The following SPIDR variants were observed in gnomAD, a reference collection of about 807,000 sequenced individuals.
SPIDR encodes the protein scaffold protein involved in DNA repair.
A neutral mutation model predicts 104.6 loss-of-function variants in SPIDR; 93 were observed. That is an observed-to-expected ratio of 0.89 (90% CI 0.75 to 1.06). The LOEUF (loss-of-function observed/expected upper bound fraction) is 1.06. SPIDR is among the 50% of genes least tolerant of loss of function. The pLI, the probability that SPIDR is intolerant of heterozygous loss-of-function variation, is 0.00. For missense variants in SPIDR, 1,154 were observed against 1,111.2 expected (o/e 1.04, Z -0.55); for synonymous variants, 431 against 416.9 (o/e 1.03, Z -0.41).
At chr8:47,710,610 A>G (rs746747702) in intron 14 of SPIDR, among the ~76,000 whole-genome samples, 1 of 151,760 alleles carries the variant, frequency 6.6e-6, no homozygotes, top group African/African-American at 2.4e-5. Context: ...CTGGGATTAC[A>G]TCCATGTGCC....
intron 8 of SPIDR, among the ~76,000 whole-genome samples, chr8:47,582,158 G>A (rs192088540): frequency 4.6e-5 from 7 of 151,794 alleles, no homozygotes; most frequent in Admixed American, 4.6e-4. Flanking sequence ...CATAGGTTGC[G>A]GTGAGCCGCC....
At chr8:47,419,565 A>G (rs1443076340) in intron 7 of SPIDR, among the ~76,000 whole-genome samples, 2 of 152,032 alleles carry the variant, frequency 1.3e-5, no homozygotes, top group Non-Finnish European at 2.9e-5. Flanking sequence ...TTTTCAAAAA[A>G]CCAGCTCCTG....
intron 1 of SPIDR, among the ~76,000 whole-genome samples, chr8:47,262,785 A>G (rs779441742): frequency 6.6e-6 from 1 of 152,208 alleles, no homozygotes; most frequent in Non-Finnish European, 1.5e-5. Flanking sequence ...TGGCTTCCAC[A>G]GTATTTCCCA....
chr8:47,672,264 C>G (rs1385405774), intron 10 of SPIDR, among the ~76,000 whole-genome samples: 1 of 152,188 alleles, frequency 6.6e-6, no homozygotes, highest in African/African-American at 2.4e-5. Flanking sequence ...GCCAGCCCCA[C>G]TTGGTATTTG....
chr8:47,522,267 C>A (rs1341286565), intron 8 of SPIDR, among the ~76,000 whole-genome samples: 1 of 152,000 alleles, frequency 6.6e-6, no homozygotes, highest in Non-Finnish European at 1.5e-5. Flanking sequence ...CTCCTGTGCG[C>A]CACTCTTCCC....
At chr8:47,642,415 CAAA>C (rs56227753) in intron 10 of SPIDR, among the ~76,000 whole-genome samples, 8 of 57,958 alleles carry the variant, frequency 1.4e-4, no homozygotes, top group South Asian at 5.4e-4. Flanking sequence ...GACTCCGTCT[CAAA>C]AAAAAAAAAA....
Position 47,381,853 on chromosome 8 carries a change from G to C in SPIDR, c.526-14523G>C, listed in dbSNP as rs183825135. 8.5e-5 allele frequency among the ~76,000 whole-genome samples: 13 copies of C among 152,376 alleles called. No individual in the cohort carries two copies. The East Asian group carries it at 2.5e-3, about 29-fold the overall frequency. ...ACTTTTGTTTTTGCATGAAATATGA[G>C]TCAAGTGAAGTTTTATTTCTTATGA... On this transcript the variant is annotated intron_variant, in intron 5 of 19. Transcript: ENST00000297423.
chr8:47,359,097 A>C (rs1198326083), intron 5 of SPIDR, among the ~76,000 whole-genome samples: 2 of 152,124 alleles, frequency 1.3e-5, no homozygotes, highest in Non-Finnish European at 2.9e-5. Context: ...ATTGTTAAAA[A>C]AAAAAGTTTT....
chr8:47,574,032 T>G (rs569194973), intron 8 of SPIDR, among the ~76,000 whole-genome samples: 2 of 152,372 alleles, frequency 1.3e-5, no homozygotes, highest in South Asian at 4.1e-4. Flanking sequence ...CCTTGCACAT[T>G]TATCTATTTT....
At chr8:47,549,270 T>C (rs1452760478) in intron 8 of SPIDR, among the ~76,000 whole-genome samples, 1 of 152,234 alleles carries the variant, frequency 6.6e-6, no homozygotes, top group Admixed American at 6.5e-5. Context: ...TTTATAATCC[T>C]TTGGGTATAT....
At chr8:47,467,659 AACC>A (rs1243859742) in intron 8 of SPIDR, among the ~76,000 whole-genome samples, 2 of 152,080 alleles carry the variant, frequency 1.3e-5, no homozygotes, top group African/African-American at 4.8e-5. Flanking sequence ...TAAAATTCAA[AACC>A]CTTTCATGTT....
intron 11 of SPIDR, chr8:47,697,641 G>A (rs1478148343): frequency 2.0e-5 from 3 of 152,400 alleles, no homozygotes; most frequent in Non-Finnish European, 4.4e-5. Context: ...GCCCCCAAGT[G>A]AGTGCGCAGA....
chr8:47,567,591 A>G (rs931258300), intron 8 of SPIDR, among the ~76,000 whole-genome samples: 2 of 152,026 alleles, frequency 1.3e-5, no homozygotes, highest in Non-Finnish European at 2.9e-5. Flanking sequence ...CTGCTACTAG[A>G]AAAACATTTT....
chr8:47,704,529 G>A (rs1010763715), intron 14 of SPIDR, among the ~76,000 whole-genome samples: 9 of 152,094 alleles, frequency 5.9e-5, no homozygotes, highest in Non-Finnish European at 1.0e-4. Flanking sequence ...GGGCAGGGAC[G>A]CAACACACCC....
chr8:47,552,177 T>A (rs998070792), intron 8 of SPIDR, among the ~76,000 whole-genome samples: 1 of 152,148 alleles, frequency 6.6e-6, no homozygotes, highest in Admixed American at 6.6e-5. Context: ...TGCTGAGGAG[T>A]GCTTTACTTC....
intron 1 of SPIDR, among the ~76,000 whole-genome samples, chr8:47,270,661 A>G (rs1332188144): frequency 6.6e-6 from 1 of 151,696 alleles, no homozygotes; most frequent in Non-Finnish European, 1.5e-5. Flanking sequence ...TGGAAGTTTT[A>G]TTGACTAAAG....
At chr8:47,445,070 T>G (rs1220005270) in intron 8 of SPIDR, among the ~76,000 whole-genome samples, 2 of 152,208 alleles carry the variant, frequency 1.3e-5, no homozygotes, top group African/African-American at 4.8e-5. Flanking sequence ...AACCTCATAG[T>G]AGAGTCTCTG....
Position 47,595,998 on chromosome 8 carries a change from G to A in SPIDR, c.1285G>A (p.Glu429Lys). 1.9e-6 allele frequency: 3 copies of A among 1,610,324 alleles called. No homozygotes were observed. Among genetic ancestry groups the A allele is most frequent in the Non-Finnish European group, 2.5e-6 (3 of 1,178,956 alleles). ...VIKGLTNNSPEIQVVCSGVAT... is the reference protein window; with the variant it reads ...VIKGLTNNSPKIQVVCSGVAT... The stretch of plus-strand genomic sequence containing the variant: ...TAAGGGTCTAACAAATAATTCACCT[G>A]AAATCCAGGTAAACTCCTATTGGCC... Residue 429 changes from glutamate (E) to lysine (K), a missense_variant, in exon 9 of 20, where the codon GAA (glutamate) becomes AAA (lysine). By Grantham distance (56) the Glu-to-Lys change is moderately conservative. Coordinates refer to ENST00000297423, the MANE Select transcript of SPIDR (RefSeq NM_001080394.4).
At chr8:47,576,087 A>G (rs1030278036) in intron 8 of SPIDR, among the ~76,000 whole-genome samples, 38 of 151,494 alleles carry the variant, frequency 2.5e-4, no homozygotes, top group Admixed American at 6.6e-5. Flanking sequence ...TTATAAATCG[A>G]ATATCTTTGA....
Sources: gnomAD v4.1 joint callset for allele counts (sites outside exome capture counted in the v4.1 genomes callset) on GRCh38, gnomAD v4.1.1 for gene constraint, MANE v1.5 for transcripts, NCBI Gene and HGNC (gene_info 2026-07-23, HGNC 2026-07-21) for gene names.